Variants in TRIM29 observed in about 807,000 individuals in gnomAD.
The protein encoded by TRIM29 is tripartite motif-containing protein 29.
In TRIM29, 52 loss-of-function variants were observed where a neutral mutation model predicts 57.3. The observed-to-expected ratio is 0.91, with a 90% CI of 0.73 to 1.14. TRIM29 has a LOEUF of 1.14. TRIM29 is among the 50% of genes most tolerant of loss of function. The probability of loss-of-function intolerance (pLI) is 0.00; values close to 1 mark genes in which losing one functional copy is unlikely to be tolerated. For missense variants in TRIM29, 753 were observed against 774.6 expected (o/e 0.97, Z 0.33); for synonymous variants, 319 against 316.9 (o/e 1.01, Z -0.07).
intron 4 of TRIM29, 198 bp downstream of exon 4, chr11:120,125,493 T>C (rs189445372): frequency 1.7e-6 from 1 of 600,878 alleles, no homozygotes; most frequent in African/African-American, 1.9e-5. Context: ...TATAGTTGCA[T>C]AACTTTGGCA....
At chr11:120,128,224 T>C (rs1421716201) in intron 2 of TRIM29, among the ~76,000 whole-genome samples, 176 bp downstream of exon 2, 2 of 152,162 alleles carry the variant, frequency 1.3e-5, no homozygotes, top group Non-Finnish European at 2.9e-5. Context: ...CCTGAGTGCC[T>C]GGCTCAGACT....
Position 120,115,356 on chromosome 11 carries a change from A to G in TRIM29, c.1686T>C (p.Ser562=), listed in dbSNP as rs1207215426. 9 of 1,613,740 alleles carry G rather than the reference A, an allele frequency of 5.6e-6. No individual in the cohort carries two copies. Among genetic ancestry groups the G allele is most frequent in the Non-Finnish European group, 7.6e-6 (9 of 1,179,912 alleles). The change falls in exon 8 of 9, where the codon TCT becomes TCC. Residue 562 remains serine (S), a synonymous_variant. Coordinates refer to ENST00000341846, the MANE Select transcript of TRIM29 (RefSeq NM_012101.4). ...SPKAQPQTWK[S]GKQTMLSHYR... ...CCCTTACCAGCATAGTCTGCTTGCC[A>G]GATTTCCAAGTCTGGGGCTGGGCCT...
intron 1 of TRIM29, chr11:120,128,897 A>G: frequency 7.0e-7 from 1 of 1,438,258 alleles, no homozygotes; most frequent in Non-Finnish European, 9.1e-7. Flanking sequence ...AGCCCAGCCC[A>G]GCCCAGGGAG....
intron 1 of TRIM29, among the ~76,000 whole-genome samples, chr11:120,136,853 A>C (rs1863826339): frequency 6.6e-6 from 1 of 152,138 alleles, no homozygotes; most frequent in South Asian, 2.1e-4. Context: ...GAAGGAGAAG[A>C]AGAAGAAAGA....
intron 8 of TRIM29, 33 bp from the exon 9 acceptor site, chr11:120,112,509 A>G (rs1863159505): frequency 6.2e-7 from 1 of 1,612,752 alleles, no homozygotes; most frequent in East Asian, 2.2e-5. Context: ...CAGCGAGGCC[A>G]GACGACAGAT....
chr11:120,138,074 A>C lies in TRIM29; in HGVS notation c.-43T>G, dbSNP rs369561834. On this transcript the variant is annotated 5_prime_UTR_variant, in exon 1 of 9. Coordinates refer to ENST00000341846, the MANE Select transcript of TRIM29 (RefSeq NM_012101.4). The stretch of plus-strand genomic sequence containing the variant: ...AGCTGTTTCAGGCTTGCTGGGGTTC[A>C]GGATAGGTGACCTTTCTGGCAGGCG... 35 of 1,519,416 alleles carry C rather than the reference A, an allele frequency of 2.3e-5. No homozygotes were observed. In the African/African-American group the frequency reaches 4.1e-4, roughly 18 times the overall value. 94.1% of individuals were successfully genotyped at this position (1,519,416 alleles called of 1,614,324 possible).
At chr11:120,119,817 G>A (rs994665093) in intron 6 of TRIM29, among the ~76,000 whole-genome samples, 7 of 152,122 alleles carry the variant, frequency 4.6e-5, no homozygotes, top group Non-Finnish European at 7.3e-5. Flanking sequence ...GTGCATGGCT[G>A]GCATGTGACC....
intron 5 of TRIM29, among the ~76,000 whole-genome samples, chr11:120,121,184 C>A (rs536500030): frequency 6.6e-6 from 1 of 152,170 alleles, no homozygotes; most frequent in African/African-American, 2.4e-5. Context: ...TCCTTCCCCA[C>A]CTGACCCTCA....
At chr11:120,120,910 A>T (rs773626909) in intron 5 of TRIM29, 104 of 598,474 alleles carry the variant, frequency 1.7e-4, no homozygotes, top group Non-Finnish European at 3.1e-4. Context: ...CATGGCAACC[A>T]CGAGGGCAGA....
intron 2 of TRIM29, among the ~76,000 whole-genome samples, chr11:120,128,114 C>T (rs1369532560): frequency 6.6e-6 from 1 of 152,018 alleles, no homozygotes; most frequent in African/African-American, 2.4e-5. Context: ...GTGGGCAGAA[C>T]AGACATTGGA....
chr11:120,132,472 G>A (rs1480951769), intron 1 of TRIM29, among the ~76,000 whole-genome samples: 7 of 152,150 alleles, frequency 4.6e-5, no homozygotes, highest in African/African-American at 9.7e-5. Context: ...GCTCTCTGAT[G>A]CCAGGAACGG....
At position 120,112,386 on chromosome 11, in the gene TRIM29, G is replaced by T; in HGVS notation, c.*28C>A. 1 of 1,612,490 alleles carries T rather than the reference G, an allele frequency of 6.2e-7. No homozygotes were observed. The highest frequency in any genetic ancestry group is 1.1e-5 in the South Asian group (1 of 91,044). Reference sequence around the variant, plus strand: ...CAGGGTCAGGAGGAAGAGCAGGGGTGTGGCGCCTCGTTCCTTCCGCCAGGA... The same window carrying T: ...CAGGGTCAGGAGGAAGAGCAGGGGTTTGGCGCCTCGTTCCTTCCGCCAGGA... On this transcript the variant is annotated 3_prime_UTR_variant, in exon 9 of 9. Transcript: ENST00000341846.
At chr11:120,120,110 T>C (rs1863395207) in intron 6 of TRIM29, among the ~76,000 whole-genome samples, 1 of 152,066 alleles carries the variant, frequency 6.6e-6, no homozygotes, top group African/African-American at 2.4e-5. Context: ...TGTACGACTT[T>C]TCACTGCAGA....
rs138333679 is a variant in TRIM29, at chr11:120,121,754, C to T, written c.1436-1089G>A. On this transcript the variant is annotated intron_variant, in intron 5 of 8. Coordinates refer to ENST00000341846, the MANE Select transcript of TRIM29 (RefSeq NM_012101.4). ...CCTCCCACAACCTGCAGGAGGCTCA[C>T]ACTGGGCCCTCAGTCTCCTACAGAG... 5 of 255,834 alleles carry T rather than the reference C, an allele frequency of 2.0e-5. No homozygotes were observed. In the East Asian group the frequency reaches 4.6e-4, roughly 23 times the overall value. The allele number at this position is 255,834 out of a possible 1,614,324, so 15.8% of individuals were successfully genotyped here. A position where few individuals can be genotyped will look rare whatever the true frequency, so the allele number is the denominator to read the frequency against.
chr11:120,132,997 C>T (rs911327755), intron 1 of TRIM29, among the ~76,000 whole-genome samples: 1 of 152,156 alleles, frequency 6.6e-6, no homozygotes, highest in Non-Finnish European at 1.5e-5. Flanking sequence ...AGAGAGTTAG[C>T]ACCCCCCTCA....
Position 120,112,314 on chromosome 11 carries a change from G to A in TRIM29, c.*100C>T, listed in dbSNP as rs970307538. On this transcript the variant is annotated 3_prime_UTR_variant, in exon 9 of 9. Transcript: ENST00000341846. ...CTGCAGAGGGCAGGTGCAGGACCAG[G>A]CTCCCTCCCACCCAGACAAGCACAG... 5.5e-6 allele frequency: 8 copies of A among 1,456,040 alleles called. No individual in the cohort carries two copies. The East Asian group carries it at 1.4e-4, about 26-fold the overall frequency. 90.2% of individuals were successfully genotyped at this position (1,456,040 alleles called of 1,614,324 possible).
Position 120,137,614 on chromosome 11 carries a change from C to G in TRIM29, c.418G>C (p.Val140Leu). The G allele has an allele frequency of 6.2e-7, 1 of 1,613,488 alleles. No homozygotes were observed. Among genetic ancestry groups the G allele is most frequent in the Non-Finnish European group, 8.5e-7 (1 of 1,179,940 alleles). ...SIFSESRKPT[V>L]SIMEPGETRR... ...GTCTCCCCGGGCTCCATGATGGACA[C>G]CGTGGGCTTCCGGGACTCCGAGAAA... The change falls in exon 1 of 9, where the codon GTG becomes CTG. Residue 140 changes from valine to leucine, a missense_variant. Transcript: ENST00000341846. The surrounding 1 kb of genome is among the most constrained non-coding windows in gnomAD (Gnocchi z 6.2).
chr11:120,121,944 A>G (rs1345824103), intron 5 of TRIM29: 1 of 447,984 alleles, frequency 2.2e-6, no homozygotes, highest in Admixed American at 2.4e-5. Context: ...CCAAAGGCAC[A>G]GCACCCCAGG....
chr11:120,131,614 G>A (rs777333889), intron 1 of TRIM29, among the ~76,000 whole-genome samples: 2 of 151,618 alleles, frequency 1.3e-5, no homozygotes, highest in Admixed American at 6.6e-5. Flanking sequence ...AGACCAGACC[G>A]GCAGGACACA....
Sources: gnomAD v4.1 joint callset for allele counts (sites outside exome capture counted in the v4.1 genomes callset) on GRCh38, gnomAD v4.1.1 for gene constraint, Gnocchi (gnomAD v3.1) non-coding constraint, MANE v1.5 for transcripts, NCBI Gene and HGNC (gene_info 2026-07-23, HGNC 2026-07-21) for gene names.